LRP4: variants seen among roughly 807,000 people sequenced by gnomAD.
LRP4 encodes LDL receptor related protein 4, also known as low-density lipoprotein receptor-related protein 4.
LRP4 carries 95 observed loss-of-function variants against 220.3 expected under a neutral mutation model. The ratio of observed to expected loss-of-function variants is 0.43; its 90% CI spans 0.37 to 0.51. The LOEUF (loss-of-function observed/expected upper bound fraction) is 0.51. Among genes scored for constraint, LRP4 ranks in the 20% least tolerant of loss-of-function variants. The probability of loss-of-function intolerance (pLI) is 0.00; values close to 1 mark genes in which losing one functional copy is unlikely to be tolerated. For synonymous variants in LRP4, 903 were observed against 954.6 expected (o/e 0.95, Z 1.00); for missense variants, 1,925 against 2,567.0 (o/e 0.75, Z 5.40).
chr11:46,884,668 C>G (rs7941252), intron 18 of LRP4, among the ~76,000 whole-genome samples: 1 of 145,056 alleles, frequency 6.9e-6, no homozygotes. Flanking sequence ...ACCTGGGAGG[C>G]GGAGCTTGCA....
chr11:46,881,871 G>A lies in LRP4; in HGVS notation c.2645C>T (p.Pro882Leu), dbSNP rs772697619. 6.2e-7 allele frequency: 1 copy of A among 1,614,198 alleles called. No individual in the cohort carries two copies. The highest frequency in any genetic ancestry group is 8.5e-7 in the Non-Finnish European group (1 of 1,180,040). The part of the protein sequence containing the change: ...YMYWTDWGAS[P>L]KIERAGMDAS... ...ATCCATGCCAGCTCGTTCAATCTTG[G>A]GGCTCGCACCCCAGTCAGTCCAATA... Residue 882 changes from proline (P) to leucine (L), a missense_variant, in exon 20 of 38, where the codon CCC (proline) becomes CTC (leucine). Pro to Leu is a moderately conservative substitution (Grantham distance 98). This residue lies in a region of LRP4 where 1,244 missense variants were observed against 1,624.9 expected (regional missense o/e 0.77). Coordinates refer to ENST00000378623, the MANE Select transcript of LRP4 (RefSeq NM_002334.4).
intron 1 of LRP4, among the ~76,000 whole-genome samples, chr11:46,907,083 T>A (rs1941771750): frequency 6.6e-6 from 1 of 152,184 alleles, no homozygotes; most frequent in Non-Finnish European, 1.5e-5. Context: ...TAACCCTTTT[T>A]AAGGAAAAGA....
At chr11:46,905,370 CG>C (rs1488956112) in intron 1 of LRP4, among the ~76,000 whole-genome samples, 1 of 152,160 alleles carries the variant, frequency 6.6e-6, no homozygotes, top group Non-Finnish European at 1.5e-5. Context: ...TGGGACTCCC[CG>C]GTACACAGAT....
intron 10 of LRP4, 47 bp from the exon 11 acceptor site, chr11:46,895,338 C>A: frequency 6.2e-7 from 1 of 1,605,706 alleles, no homozygotes; most frequent in Non-Finnish European, 8.5e-7. Context: ...GTCGTCCTCC[C>A]ACTCCCGCTC....
At position 46,899,957 on chromosome 11, in the gene LRP4, C is replaced by T. The variant is rs1464182911; in HGVS notation, c.336G>A (p.Glu112=). Residue 112 remains glutamate, a synonymous_variant, in exon 4 of 38, where the codon GAG becomes GAA. Transcript: ENST00000378623. This position sits in a 1 kb window ranked among gnomAD's most constrained non-coding sequence, Gnocchi z 5.9. ...AGCCATTCTGGCAGGGAAACTCGTC[C>T]TCCTCACACTCCCGGGGGGCTGTGG... The part of the protein sequence containing the change: ...EQDCPPRECE[E]DEFPCQNGYC... The T allele has an allele frequency of 6.2e-7, 1 of 1,613,438 alleles. No homozygotes were observed. The highest frequency in any genetic ancestry group is 1.3e-5 in the African/African-American group (1 of 74,944).
chr11:46,911,209 A>G (rs1390645779), intron 1 of LRP4, among the ~76,000 whole-genome samples: 1 of 152,132 alleles, frequency 6.6e-6, no homozygotes, highest in Non-Finnish European at 1.5e-5. Context: ...TAATCCCATT[A>G]TCTTCATCTG....
chr11:46,877,065 AG>A (rs1175575020), intron 23 of LRP4, 133 bp downstream of exon 23: 1 of 1,079,598 alleles, frequency 9.3e-7, no homozygotes, highest in Non-Finnish European at 1.4e-6. Context: ...AGACAGGGAC[AG>A]GGGCTATGCC....
chr11:46,861,208 A>T (rs576465982), intron 37 of LRP4, among the ~76,000 whole-genome samples: 1 of 152,300 alleles, frequency 6.6e-6, no homozygotes, highest in East Asian at 1.9e-4. Flanking sequence ...GCTTTTAAAA[A>T]ATTTTTAATT....
In LRP4 at chr11:46,875,690, G is replaced by A; in HGVS notation, c.3700-9C>T. ...TCAGCAGCCTCAATTCGCTGCAGAG[G>A]AAGGAGAGGGTGGGGGGTGGTGATC... On this transcript the variant is annotated splice_polypyrimidine_tract_variant and intron_variant, in intron 26 of 37. Transcript: ENST00000378623. This position sits in a 1 kb window ranked among gnomAD's most constrained non-coding sequence, Gnocchi z 4.5. The A allele has an allele frequency of 2.5e-6, 4 of 1,613,614 alleles. No homozygotes were observed. The highest frequency in any genetic ancestry group is 3.4e-6 in the Non-Finnish European group (4 of 1,179,578).
chr11:46,894,863 C>T (rs777033741), intron 11 of LRP4, 44 bp from the exon 12 acceptor site: 19 of 1,531,900 alleles, frequency 1.2e-5, no homozygotes, highest in Middle Eastern at 3.4e-4. Context: ...GGTTTCAGAG[C>T]CGCCCCTGGT....
At chr11:46,906,527 C>T (rs1941763064) in intron 1 of LRP4, among the ~76,000 whole-genome samples, 1 of 151,702 alleles carries the variant, frequency 6.6e-6, no homozygotes, top group African/African-American at 2.4e-5. Context: ...TGCCTTGGCA[C>T]ACCAAAGATG....
chr11:46,900,506 C>T, intron 2 of LRP4, 128 bp from the exon 3 acceptor site: 1 of 704,802 alleles, frequency 1.4e-6, no homozygotes. Flanking sequence ...GAGTCTTACT[C>T]TGTCACCCAG....
In LRP4 at chr11:46,890,589, A is replaced by G. The variant is rs1759427194; in HGVS notation, c.1698-95T>C. On this transcript the variant is annotated intron_variant, in intron 13 of 37. Transcript: ENST00000378623. The surrounding 1 kb of genome is among the most constrained non-coding windows in gnomAD (Gnocchi z 5.3). ...TAGGGCGCTTTTATCCATTTAACTC[A>G]GGGGACTCCAATGTTTGGTCCACAG... is the stretch of plus-strand genomic sequence containing the variant. The G allele has an allele frequency of 8.5e-6, 7 of 826,674 alleles. No homozygotes were observed. The highest frequency in any genetic ancestry group is 1.2e-5 in the Non-Finnish European group (6 of 499,052). 51.2% of individuals were successfully genotyped at this position (826,674 alleles called of 1,614,324 possible).
At position 46,890,191 on chromosome 11, in the gene LRP4, T is replaced by G; in HGVS notation, c.1916-71A>C. ...GTCCCCTGGGCCCAGGCCTGGCAACTACACAAAACCTCTACCAAGGCTCCT... is the reference window on the plus strand; with the variant it reads ...GTCCCCTGGGCCCAGGCCTGGCAACGACACAAAACCTCTACCAAGGCTCCT... On this transcript the variant is annotated intron_variant, in intron 14 of 37. Transcript: ENST00000378623. This position sits in a 1 kb window ranked among gnomAD's most constrained non-coding sequence, Gnocchi z 5.3. The G allele has an allele frequency of 1.2e-6, 2 of 1,606,370 alleles. No homozygotes were observed. The highest frequency in any genetic ancestry group is 1.7e-6 in the Non-Finnish European group (2 of 1,173,404).
intron 35 of LRP4, 108 bp from the exon 36 acceptor site, chr11:46,864,643 T>C (rs1940648149): frequency 1.3e-6 from 1 of 782,440 alleles, no homozygotes; most frequent in Non-Finnish European, 2.3e-6. Context: ...TTGGACCCCA[T>C]ACCATCTGAG....
intron 34 of LRP4, among the ~76,000 whole-genome samples, chr11:46,866,925 CAAGAAAAAAA>C (rs1940719785): frequency 6.8e-6 from 1 of 147,262 alleles, no homozygotes; most frequent in Admixed American, 6.8e-5. Flanking sequence ...GATCCTGTCT[CAAGAAAAAAA>C]AAGAAAAAAG....
rs748199837 is a variant in LRP4, at chr11:46,899,473, C to A, written c.461G>T (p.Arg154Leu). The A allele has an allele frequency of 1.9e-6, 3 of 1,613,964 alleles. No homozygotes were observed. In the East Asian group the frequency reaches 6.7e-5, roughly 36 times the overall value. ...DMRKCSDKEF[R>L]CSDGSCIAEH... ...AGCAATGCAGCTTCCGTCACTACAG[C>A]GGAACTCCTTGTCGGAGCACTTGCG... Residue 154 changes from arginine (R) to leucine (L), a missense_variant, in exon 5 of 38, where the codon CGC (arginine) becomes CTC (leucine). Around this residue, in one of 3 missense-constraint regions of LRP4, gnomAD observed 412 missense variants for 505.4 expected, o/e 0.82. Coordinates refer to ENST00000378623, the MANE Select transcript of LRP4 (RefSeq NM_002334.4). The surrounding 1 kb of genome is among the most constrained non-coding windows in gnomAD (Gnocchi z 5.9).
intron 22 of LRP4, among the ~76,000 whole-genome samples, chr11:46,878,108 T>A (rs913781396): frequency 2.0e-5 from 3 of 152,114 alleles, no homozygotes; most frequent in Admixed American, 6.5e-5. Flanking sequence ...AAGCCTTGAC[T>A]TCCGACATCT....
Position 46,898,674 on chromosome 11 carries a change from G to A in LRP4, c.680C>T (p.Ser227Phe). ...CTCCCCAGAGCGGCAGGGCTGGTGGGAGGCTAGGGAAACACAAGACTTCTG... is the reference window on the plus strand; with the variant it reads ...CTCCCCAGAGCGGCAGGGCTGGTGGAAGGCTAGGGAAACACAAGACTTCTG... ...GDWSDESDCS[S>F]HQPCRSGEFM... Residue 227 changes from serine to phenylalanine, a missense_variant, in exon 7 of 38, where the codon TCC becomes TTC. Ser to Phe is a radical substitution (Grantham distance 155, BLOSUM62 -2). Coordinates refer to ENST00000378623, the MANE Select transcript of LRP4 (RefSeq NM_002334.4). The A allele has an allele frequency of 6.2e-7, 1 of 1,614,048 alleles. No homozygotes were observed. Among genetic ancestry groups the A allele is most frequent in the South Asian group, 1.1e-5 (1 of 91,080 alleles).
Sources: allele counts gnomAD v4.1 joint callset (sites outside exome capture counted in the v4.1 genomes callset), GRCh38; gene constraint gnomAD v4.1.1; regional missense constraint gnomAD v4.1.1; non-coding constraint Gnocchi (gnomAD v3.1); transcripts MANE v1.5; gene names NCBI Gene and HGNC (gene_info 2026-07-23, HGNC 2026-07-21).